BSPH1: variants seen among roughly 807,000 people sequenced by gnomAD.
BSPH1 encodes the protein binder of sperm protein homolog 1, also known as binder of sperm 1.
Under a neutral mutation model 22.5 loss-of-function variants are expected in BSPH1, and 21 were observed. The ratio of observed to expected loss-of-function variants is 0.93; its 90% CI spans 0.66 to 1.35. The LOEUF is 1.35. Ranked by LOEUF, BSPH1 falls within the 40% of genes most tolerant of loss-of-function variation. BSPH1 has a pLI of 0.00. For missense variants in BSPH1, 141 were observed against 154.2 expected (o/e 0.91, Z 0.45); for synonymous variants, 42 against 53.6 (o/e 0.78, Z 0.95).
chr19:47,976,958 TGCACGTGAACAA>T, intron 4 of BSPH1, 104 bp from the exon 5 acceptor site: 1 of 1,138,904 alleles, frequency 8.8e-7, no homozygotes, highest in Non-Finnish European at 1.2e-6. Flanking sequence ...CACATGTGCA[TGCACGTGAACAA>T]ATGTGCACAC....
chr19:47,981,486 T>C (rs1484233605), intron 1 of BSPH1, among the ~76,000 whole-genome samples: 2 of 152,236 alleles, frequency 1.3e-5, no homozygotes, highest in African/African-American at 4.8e-5. Flanking sequence ...AGAACAATTT[T>C]GTGAGGCAGG....
In BSPH1 at chr19:47,977,491, GAC is replaced by G. The variant is rs560757821; in HGVS notation, c.136_137del (p.Val46LeufsTer6). On this transcript the variant is annotated frameshift_variant, in exon 4 of 6. Transcript: ENST00000344839. LOFTEE classifies it high-confidence loss of function. ...TTCCATTTTTATAGTGGAATGGAAA[GAC>G]ACACTCCCCATCTAGAGAAAACAAA... is the stretch of plus-strand genomic sequence containing the variant. ...HFPEVTDGEC[V>X]FPFHYKNGTY... 2.5e-5 allele frequency: 39 copies of G among 1,551,590 alleles called. No individual in the cohort carries two copies. In the Admixed American group the frequency reaches 2.5e-4, roughly 10 times the overall value.
chr19:47,969,734 A>AT (rs1241288408), intron 5 of BSPH1, among the ~76,000 whole-genome samples: 1 of 110,502 alleles, frequency 9.0e-6, no homozygotes, highest in Non-Finnish European at 1.9e-5. Context: ...AGACTTTAGA[A>AT]TGTATGTGTG....
intron 5 of BSPH1, among the ~76,000 whole-genome samples, chr19:47,973,090 G>T (rs924779565): frequency 6.6e-6 from 1 of 151,648 alleles, no homozygotes; most frequent in Non-Finnish European, 1.5e-5. Context: ...GGTGGCGGGC[G>T]CCTGTAGTCC....
At chr19:47,988,982 TC>T (rs1969497208) in intron 1 of BSPH1, among the ~76,000 whole-genome samples, 1 of 151,890 alleles carries the variant, frequency 6.6e-6, no homozygotes, top group Non-Finnish European at 1.5e-5. Flanking sequence ...TGTTTCCTCT[TC>T]TGTCTTCCCA....
intron 1 of BSPH1, among the ~76,000 whole-genome samples, chr19:47,988,260 G>A (rs1364334600): frequency 6.6e-6 from 1 of 152,080 alleles, no homozygotes; most frequent in African/African-American, 2.4e-5. Flanking sequence ...TAGTACTTTT[G>A]GTACTATAAT....
At chr19:47,971,345 A>G (rs940967548) in intron 5 of BSPH1, among the ~76,000 whole-genome samples, 1 of 152,114 alleles carries the variant, frequency 6.6e-6, no homozygotes, top group Non-Finnish European at 1.5e-5. Context: ...AGCTGGGATT[A>G]CAGGCGCATG....
intron 5 of BSPH1, among the ~76,000 whole-genome samples, chr19:47,968,675 C>T (rs1265353571): frequency 4.8e-5 from 5 of 103,984 alleles, no homozygotes; most frequent in African/African-American, 1.5e-4. Context: ...GAGCAAGACC[C>T]TGTCTTAAAA....
rs1414660920 is a variant in BSPH1, at chr19:47,971,023, A to G, written c.*3-2814T>C. On this transcript the variant is annotated intron_variant, in intron 5 of 5. Coordinates refer to ENST00000344839, the MANE Select transcript of BSPH1 (RefSeq NM_001128326.2). ...AGCATTGTGAATAGCTAACTGATAC[A>G]GGGAGAAAAATATGGTGGTGGCACC... Among the ~76,000 whole-genome samples the G allele has an allele frequency of 3.9e-5, 6 of 152,100 alleles. 1 individual carries two copies. Among genetic ancestry groups the G allele is most frequent in the African/African-American group, 1.2e-4 (5 of 41,416 alleles).
chr19:47,980,798 A>G (rs1453892818), intron 2 of BSPH1, 123 bp downstream of exon 2: 2 of 621,204 alleles, frequency 3.2e-6, no homozygotes, highest in Non-Finnish European at 5.6e-6. Context: ...ATATAAGTAC[A>G]TAAAATAGTA....
At chr19:47,975,023 A>G (rs1181650236) in intron 5 of BSPH1, among the ~76,000 whole-genome samples, 1 of 152,144 alleles carries the variant, frequency 6.6e-6, no homozygotes, top group Non-Finnish European at 1.5e-5. Flanking sequence ...CCTCAAATCT[A>G]CAAATCTGCT....
rs1351545762 is a variant in BSPH1, at chr19:47,977,420, G to A, written c.209C>T (p.Ser70Leu). ...IKSKARHKWC[S>L]LNKTYEGYWK... is the part of the protein sequence containing the mutation. The stretch of plus-strand genomic sequence containing the variant: ...GTATCCTTCGTAGGTCTTGTTTAAC[G>A]AGCACCACTTGTGTCTTGCCTTGGA... Residue 70 changes from serine to leucine, a missense_variant, in exon 4 of 6, where the codon TCG becomes TTG. By Grantham distance (145) the Ser-to-Leu change is moderately radical (BLOSUM62 -2). Transcript: ENST00000344839. The A allele has an allele frequency of 5.2e-6, 8 of 1,552,096 alleles. No individual in the cohort carries two copies. The highest frequency in any genetic ancestry group is 4.4e-6 in the Non-Finnish European group (5 of 1,147,098).
At chr19:47,973,687 G>T (rs1969333152) in intron 5 of BSPH1, among the ~76,000 whole-genome samples, 1 of 152,122 alleles carries the variant, frequency 6.6e-6, no homozygotes, top group East Asian at 1.9e-4. Flanking sequence ...GGATATTATT[G>T]GGTATTACAA....
At chr19:47,989,500 A>C (rs1037238155) in intron 1 of BSPH1, among the ~76,000 whole-genome samples, 1 of 151,886 alleles carries the variant, frequency 6.6e-6, no homozygotes, top group African/African-American at 2.4e-5. Context: ...ATGAGGAGGA[A>C]CCATAGCTGA....
At chr19:47,971,833 C>T (rs184885473) in intron 5 of BSPH1, among the ~76,000 whole-genome samples, 26 of 152,212 alleles carry the variant, frequency 1.7e-4, no homozygotes, top group African/African-American at 4.8e-4. Flanking sequence ...TAAGAACACG[C>T]GTCTTGTTTT....
At position 47,987,964 on chromosome 19, in the gene BSPH1, C is replaced by T. The variant is rs150641021; in HGVS notation, c.73+4045G>A. ...TGTGCTGAGATCACACCACTGCACTCCAGCCTGGGTGACAGAGTGAGCCCT... is the reference window on the plus strand; with the variant it reads ...TGTGCTGAGATCACACCACTGCACTTCAGCCTGGGTGACAGAGTGAGCCCT... On this transcript the variant is annotated intron_variant, in intron 1 of 5. Coordinates refer to ENST00000344839, the MANE Select transcript of BSPH1 (RefSeq NM_001128326.2). Among the ~76,000 whole-genome samples the T allele has an allele frequency of 3.4e-3, 514 of 151,798 alleles. 1 individual carries two copies. The highest frequency in any genetic ancestry group is 0.011 in the African/African-American group (473 of 41,366).
intron 5 of BSPH1, among the ~76,000 whole-genome samples, chr19:47,970,451 T>TCATG (rs1969301906): frequency 6.6e-6 from 1 of 152,220 alleles, no homozygotes; most frequent in African/African-American, 2.4e-5. Context: ...CAACATTGTA[T>TCATG]CATGATATGT....
chr19:47,985,067 AAAAAAAAAAAAG>A (rs1404126110), intron 1 of BSPH1, among the ~76,000 whole-genome samples: 4 of 122,736 alleles, frequency 3.3e-5, no homozygotes, highest in African/African-American at 1.3e-4. Context: ...CTGTCTGAAA[AAAAAAAAAAAAG>A]AAAGAAAAAG....
intron 5 of BSPH1, among the ~76,000 whole-genome samples, chr19:47,973,400 C>T (rs183125236): frequency 2.0e-5 from 3 of 152,172 alleles, no homozygotes; most frequent in African/African-American, 7.2e-5. Context: ...CACCAGCACG[C>T]TCAATTAATT....
Sources: allele counts gnomAD v4.1 joint callset (sites outside exome capture counted in the v4.1 genomes callset), GRCh38; gene constraint gnomAD v4.1.1; transcripts MANE v1.5; gene names NCBI Gene and HGNC (gene_info 2026-07-23, HGNC 2026-07-21).